Variants in CFAP44 observed in about 807,000 individuals in gnomAD.
CFAP44 encodes the protein cilia and flagella associated protein 44, also known as cilia- and flagella-associated protein 44.
In CFAP44, 134 loss-of-function variants were observed where a neutral mutation model predicts 216.2. That is an observed-to-expected ratio of 0.62 (90% CI 0.54 to 0.72). The LOEUF is 0.72. Ranked by LOEUF, CFAP44 falls within the 30% of genes least tolerant of loss-of-function variation. The probability of loss-of-function intolerance (pLI) is 0.00; values close to 1 mark genes in which losing one functional copy is unlikely to be tolerated. For missense variants in CFAP44, 2,035 were observed against 2,182.1 expected (o/e 0.93, Z 1.34); for synonymous variants, 700 against 727.6 (o/e 0.96, Z 0.61).
chr3:113,384,996 C>T (rs1203820444), intron 15 of CFAP44, among the ~76,000 whole-genome samples: 2 of 152,134 alleles, frequency 1.3e-5, no homozygotes, highest in East Asian at 3.9e-4. Flanking sequence ...ATGGGAGGGA[C>T]CTGGTGGAAG....
At chr3:113,348,232 G>A (rs112981338) in intron 22 of CFAP44, among the ~76,000 whole-genome samples, 1 of 152,014 alleles carries the variant, frequency 6.6e-6, no homozygotes. Flanking sequence ...ACCGCGGGCG[G>A]TTTTTCCTTT....
intron 34 of CFAP44, among the ~76,000 whole-genome samples, chr3:113,292,340 T>G (rs1299240186): frequency 6.6e-6 from 1 of 152,228 alleles, no homozygotes; most frequent in Non-Finnish European, 1.5e-5. Context: ...CAATTTAATA[T>G]AGCATGACCA....
intron 1 of CFAP44, among the ~76,000 whole-genome samples, chr3:113,440,122 G>C (rs1484173867): frequency 6.6e-6 from 1 of 152,158 alleles, no homozygotes; most frequent in Non-Finnish European, 1.5e-5. Context: ...GGAGTGCAGT[G>C]CTGCGATCTC....
chr3:113,407,071 T>C (rs1934305307), intron 7 of CFAP44, 30 bp from the exon 8 acceptor site: 4 of 1,498,978 alleles, frequency 2.7e-6, no homozygotes, highest in Non-Finnish European at 3.7e-6. Flanking sequence ...TGAATGTACC[T>C]CAAAGATATT....
chr3:113,309,095 C>T (rs1466661752), intron 28 of CFAP44, among the ~76,000 whole-genome samples: 1 of 152,178 alleles, frequency 6.6e-6, no homozygotes, highest in Non-Finnish European at 1.5e-5. Context: ...AGTCAGGCTT[C>T]TCTGAGTCCT....
intron 15 of CFAP44, among the ~76,000 whole-genome samples, chr3:113,389,149 C>T (rs191528013): frequency 2.6e-5 from 4 of 152,078 alleles, no homozygotes; most frequent in Non-Finnish European, 4.4e-5. Flanking sequence ...TTAAAACATT[C>T]CAAAAATTGA....
At chr3:113,308,019 T>C in intron 29 of CFAP44, 139 bp downstream of exon 29, 1 of 590,550 alleles carries the variant, frequency 1.7e-6, no homozygotes, top group Non-Finnish European at 2.8e-6. Flanking sequence ...AAAAAAGGTA[T>C]TCATTAGACT....
chr3:113,412,712 T>G (rs572859449), intron 6 of CFAP44, among the ~76,000 whole-genome samples: 1 of 152,354 alleles, frequency 6.6e-6, no homozygotes, highest in South Asian at 2.1e-4. Flanking sequence ...CTCATTCCTT[T>G]TTATGGCTAC....
intron 18 of CFAP44, among the ~76,000 whole-genome samples, chr3:113,371,785 C>A (rs928640257): frequency 6.6e-6 from 1 of 152,158 alleles, no homozygotes; most frequent in African/African-American, 2.4e-5. Flanking sequence ...TCAGAGTGAA[C>A]AGGCAACCTA....
Position 113,363,458 on chromosome 3 carries a change from T to G in CFAP44, c.2771+19A>C. On this transcript the variant is annotated intron_variant, in intron 20 of 34. Coordinates refer to ENST00000393845, the MANE Select transcript of CFAP44 (RefSeq NM_001164496.2). ...GCAAAATCTCAGGCCTAGTCAGTAT[T>G]TATCAAAAATTCCCATACCTGTAGG... The G allele has an allele frequency of 6.2e-7, 1 of 1,605,250 alleles. No individual in the cohort carries two copies. Among genetic ancestry groups the G allele is most frequent in the South Asian group, 1.1e-5 (1 of 88,220 alleles).
chr3:113,409,775 G>A (rs535066732), intron 6 of CFAP44, among the ~76,000 whole-genome samples: 1 of 152,268 alleles, frequency 6.6e-6, no homozygotes, highest in South Asian at 2.1e-4. Flanking sequence ...TGATAAAACA[G>A]GATGTGGTAA....
At chr3:113,412,363 T>C (rs1455557168) in intron 6 of CFAP44, among the ~76,000 whole-genome samples, 2 of 152,082 alleles carry the variant, frequency 1.3e-5, no homozygotes, top group Non-Finnish European at 2.9e-5. Flanking sequence ...GGGGTCTGGA[T>C]CGGGACCCCT....
At chr3:113,327,371 T>C (rs1424201051) in intron 27 of CFAP44, among the ~76,000 whole-genome samples, 1 of 152,110 alleles carries the variant, frequency 6.6e-6, no homozygotes, top group Non-Finnish European at 1.5e-5. Flanking sequence ...CTTGTGAAAA[T>C]TTTATTCTTC....
intron 1 of CFAP44, 199 bp from the exon 2 acceptor site, chr3:113,433,868 A>C: frequency 2.5e-6 from 1 of 406,242 alleles, no homozygotes; most frequent in Non-Finnish European, 4.4e-6. Context: ...GCTAATTATA[A>C]TCACAGATTC....
chr3:113,346,612 A>ACACTCTGTAAAAACACAC (rs1950385665), intron 22 of CFAP44, among the ~76,000 whole-genome samples: 1 of 146,898 alleles, frequency 6.8e-6, no homozygotes, highest in Non-Finnish European at 1.5e-5. Flanking sequence ...GCACCAATCA[A>ACACTCTGTAAAAACACAC]CACTCTGTAA....
At chr3:113,391,230 C>T (rs775496268) in intron 15 of CFAP44, among the ~76,000 whole-genome samples, 7 of 152,092 alleles carry the variant, frequency 4.6e-5, no homozygotes, top group Non-Finnish European at 7.4e-5. Context: ...ATGCCAAGAA[C>T]GTACATTGCA....
rs75759032 is a variant in CFAP44, at chr3:113,307,435, C to T, written c.4627+723G>A. 1.1e-3 allele frequency among the ~76,000 whole-genome samples: 173 copies of T among 152,292 alleles called. 1 individual carries two copies. In the East Asian group the frequency reaches 0.033, roughly 29 times the overall value. On this transcript the variant is annotated intron_variant, in intron 29 of 34. Transcript: ENST00000393845. Reference sequence around the variant, plus strand: ...AAGTATTCATTAATGTTTTCCCTGACCATACTATTGGAAATAGCAATGTGC... The same window carrying T: ...AAGTATTCATTAATGTTTTCCCTGATCATACTATTGGAAATAGCAATGTGC...
chr3:113,354,110 A>G (rs1559920936), intron 22 of CFAP44, among the ~76,000 whole-genome samples: 1 of 152,004 alleles, frequency 6.6e-6, no homozygotes, highest in Non-Finnish European at 1.5e-5. Context: ...ATCTTTTTCC[A>G]TGTAACTTAA....
At chr3:113,297,882 T>C (rs1227620367) in intron 32 of CFAP44, among the ~76,000 whole-genome samples, 1 of 152,270 alleles carries the variant, frequency 6.6e-6, no homozygotes, top group Non-Finnish European at 1.5e-5. Flanking sequence ...TGGGGCATAA[T>C]TGTTACAATT....
Sources: gnomAD v4.1 joint callset for allele counts (sites outside exome capture counted in the v4.1 genomes callset) on GRCh38, gnomAD v4.1.1 for gene constraint, MANE v1.5 for transcripts, NCBI Gene and HGNC (gene_info 2026-07-23, HGNC 2026-07-21) for gene names.